Variants in EFCAB7 observed in about 807,000 individuals in gnomAD.
The protein encoded by EFCAB7 is EF-hand calcium binding domain 7.
EFCAB7 carries 66 observed loss-of-function variants against 77.1 expected under a neutral mutation model. The ratio of observed to expected loss-of-function variants is 0.86; its 90% CI spans 0.70 to 1.05. EFCAB7 has a LOEUF of 1.05. Among genes scored for constraint, EFCAB7 ranks in the 50% least tolerant of loss-of-function variants. The pLI, the probability that EFCAB7 is intolerant of heterozygous loss-of-function variation, is 0.00. For missense variants in EFCAB7, 638 were observed against 730.5 expected, an observed-to-expected ratio of 0.87 and a Z score of 1.46; for synonymous variants, 225 against 243.3, an observed-to-expected ratio of 0.92 and a Z score of 0.70.
In EFCAB7 at chr1:63,555,608, A is replaced by G. The variant is rs1219053225; in HGVS notation, c.1214+93A>G. The G allele has an allele frequency of 2.6e-5, 27 of 1,045,460 alleles. No individual in the cohort carries two copies. The East Asian group carries it at 4.5e-4, about 17-fold the overall frequency. The allele number at this position is 1,045,460 out of a possible 1,614,324, so 64.8% of individuals were successfully genotyped here. On this transcript the variant is annotated intron_variant, in intron 9 of 13. Transcript: ENST00000371088. The stretch of plus-strand genomic sequence containing the variant: ...CTCCCTTTGGCCAGCTCCCACCCCC[A>G]TCCTCAGATTCTAATTCACCAATTC...
At chr1:63,570,647 T>C (rs1234954213) in intron 12 of EFCAB7, 1 of 154,818 alleles carries the variant, frequency 6.5e-6, no homozygotes, top group African/African-American at 2.4e-5. Context: ...TTTAGACATA[T>C]TAGTTGGAAG....
At chr1:63,533,753 A>T in intron 5 of EFCAB7, 104 bp downstream of exon 5, 1 of 885,042 alleles carries the variant, frequency 1.1e-6, no homozygotes, top group Non-Finnish European at 1.6e-6. Context: ...ACAAATGAGA[A>T]TCTAACTTTT....
chr1:63,545,851 C>T (rs1646891523), intron 6 of EFCAB7, 65 bp from the exon 7 acceptor site: 4 of 1,363,690 alleles, frequency 2.9e-6, no homozygotes, highest in East Asian at 2.3e-5. Flanking sequence ...GTTTTCTCCT[C>T]ATTACTATGC....
At chr1:63,579,410 T>C in the EFCAB7 span, among the ~76,000 whole-genome samples, 1 of 152,232 alleles carries the variant, frequency 6.6e-6, no homozygotes, top group Admixed American at 6.5e-5. Context: ...CCTTTATTGC[T>C]GAGTAGTATT....
At chr1:63,573,767 G>A (rs1323382158), downstream of EFCAB7, among the ~76,000 whole-genome samples, 1 of 152,188 alleles carries the variant, frequency 6.6e-6, no homozygotes, top group East Asian at 1.9e-4. Context: ...CAAATGGGCT[G>A]TACCCTGTAG....
intron 10 of EFCAB7, among the ~76,000 whole-genome samples, chr1:63,561,381 G>A (rs1023972145): frequency 6.6e-6 from 1 of 152,048 alleles, no homozygotes; most frequent in Non-Finnish European, 1.5e-5. Context: ...ATATAACAAC[G>A]TATGCTCTAA....
At chr1:63,561,470 T>G (rs768798875) in intron 10 of EFCAB7, among the ~76,000 whole-genome samples, 9 of 152,216 alleles carry the variant, frequency 5.9e-5, no homozygotes, top group Non-Finnish European at 7.4e-5. Flanking sequence ...TATTTATAAC[T>G]TTAGGATTTT....
At chr1:63,562,551 G>A (rs1289670432) in intron 11 of EFCAB7, among the ~76,000 whole-genome samples, 2 of 141,634 alleles carry the variant, frequency 1.4e-5, no homozygotes, top group African/African-American at 5.3e-5. Context: ...CCTGGCTGGA[G>A]TGCAGTGGCA....
chr1:63,555,949 G>A (rs1273599744), intron 9 of EFCAB7, among the ~76,000 whole-genome samples: 2 of 152,022 alleles, frequency 1.3e-5, no homozygotes, highest in Non-Finnish European at 2.9e-5. Context: ...TGTTGCCCAG[G>A]GTGGTCTCAA....
At chr1:63,531,795 A>C in intron 2 of EFCAB7, 25 bp from the exon 3 acceptor site, 1 of 1,602,584 alleles carries the variant, frequency 6.2e-7, no homozygotes, top group Non-Finnish European at 8.5e-7. Flanking sequence ...TTACAATCAC[A>C]AATAATACTT....
At chr1:63,540,387 GTTGAAC>G (rs1410572300) in intron 6 of EFCAB7, among the ~76,000 whole-genome samples, 9 of 139,254 alleles carry the variant, frequency 6.5e-5, no homozygotes, top group African/African-American at 2.1e-4. Flanking sequence ...AAAAAAAAAA[GTTGAAC>G]TTCAACTTCT....
At chr1:63,543,206 CA>C (rs1386787515) in intron 6 of EFCAB7, among the ~76,000 whole-genome samples, 3 of 152,166 alleles carry the variant, frequency 2.0e-5, no homozygotes, top group Non-Finnish European at 4.4e-5. Flanking sequence ...TCCTTGCCCT[CA>C]ATGAATGATC....
intron 12 of EFCAB7, chr1:63,570,333 T>A (rs1044373085): frequency 6.6e-6 from 1 of 152,182 alleles, no homozygotes; most frequent in Non-Finnish European, 1.5e-5. Flanking sequence ...TCCCTATCCA[T>A]CCTAGAGGCC....
At chr1:63,566,067 T>C (rs1647167627) in intron 11 of EFCAB7, among the ~76,000 whole-genome samples, 1 of 152,194 alleles carries the variant, frequency 6.6e-6, no homozygotes, top group East Asian at 1.9e-4. Flanking sequence ...TGCAGCACTA[T>C]TCACAGTAGC....
chr1:63,555,272 C>A, intron 8 of EFCAB7, 86 bp from the exon 9 acceptor site: 1 of 1,404,274 alleles, frequency 7.1e-7, no homozygotes, highest in East Asian at 2.3e-5. Flanking sequence ...TAATGTGTCC[C>A]TTTCAGAAGA....
At chr1:63,554,475 G>A (rs920984648) in intron 8 of EFCAB7, among the ~76,000 whole-genome samples, 3 of 152,140 alleles carry the variant, frequency 2.0e-5, no homozygotes, top group African/African-American at 4.8e-5. Context: ...AAGTAGCTGG[G>A]ATTATAGGCG....
chr1:63,574,120 A>C (rs1006615542), downstream of EFCAB7, among the ~76,000 whole-genome samples: 3 of 152,150 alleles, frequency 2.0e-5, no homozygotes, highest in Non-Finnish European at 4.4e-5. Context: ...GAGGCATGTG[A>C]GTAAAGTCAA....
chr1:63,578,693 G>A, the EFCAB7 span, among the ~76,000 whole-genome samples: 4 of 151,884 alleles, frequency 2.6e-5, no homozygotes, highest in East Asian at 7.8e-4. Flanking sequence ...TGCCCGCCTC[G>A]GCCTCCCAAA....
At chr1:63,570,830 T>C in intron 12 of EFCAB7, 191 bp from the exon 13 acceptor site, 1 of 412,212 alleles carries the variant, frequency 2.4e-6, no homozygotes, top group South Asian at 5.9e-5. Context: ...AAAAAGTTTA[T>C]ATAAATGGTG....
Sources: gnomAD v4.1 joint callset for allele counts (sites outside exome capture counted in the v4.1 genomes callset) on GRCh38, gnomAD v4.1.1 for gene constraint, MANE v1.5 for transcripts, NCBI Gene and HGNC (gene_info 2026-07-23, HGNC 2026-07-21) for gene names.